MDGA2: variants seen among roughly 807,000 people sequenced by gnomAD.
MDGA2 encodes MAM domain-containing glycosylphosphatidylinositol anchor protein 2.
A neutral mutation model predicts 117.8 loss-of-function variants in MDGA2; 40 were observed. The observed-to-expected ratio is 0.34, with a 90% confidence interval of 0.26 to 0.44. The LOEUF (loss-of-function observed/expected upper bound fraction) is 0.44. MDGA2 is among the 20% of genes least tolerant of loss of function. The probability of loss-of-function intolerance (pLI) is 1.00; values close to 1 mark genes in which losing one functional copy is unlikely to be tolerated. For synonymous variants in MDGA2, 452 were observed against 439.0 expected (o/e 1.03, Z -0.37); for missense variants, 1,123 against 1,250.6 (o/e 0.90, Z 1.54).
intron 1 of MDGA2, among the ~76,000 whole-genome samples, chr14:47,585,471 G>C (rs994219601): frequency 1.3e-5 from 2 of 151,840 alleles, no homozygotes; most frequent in Admixed American, 6.6e-5. Flanking sequence ...TACACATTTC[G>C]GAAAGTGCTA....
chr14:47,459,279 A>G (rs983691346), intron 1 of MDGA2, among the ~76,000 whole-genome samples: 1 of 152,126 alleles, frequency 6.6e-6, no homozygotes, highest in Non-Finnish European at 1.5e-5. Flanking sequence ...GGTTTGGGGT[A>G]TAAGACAGTG....
intron 1 of MDGA2, among the ~76,000 whole-genome samples, chr14:47,661,318 T>C (rs768779146): frequency 1.2e-4 from 18 of 152,200 alleles, no homozygotes; most frequent in Non-Finnish European, 2.6e-4. Flanking sequence ...CATACAAAGA[T>C]TAGTGCATGG....
At chr14:47,502,224 A>G (rs554002764) in intron 1 of MDGA2, among the ~76,000 whole-genome samples, 6 of 152,282 alleles carry the variant, frequency 3.9e-5, no homozygotes, top group African/African-American at 1.4e-4. Flanking sequence ...ATATATATTA[A>G]AAAGTATCCC....
chr14:47,461,165 C>T (rs1893474938), intron 1 of MDGA2, among the ~76,000 whole-genome samples: 1 of 152,058 alleles, frequency 6.6e-6, no homozygotes, highest in Non-Finnish European at 1.5e-5. Context: ...GGAGGCTAGA[C>T]ATGGAGTCAA....
intron 1 of MDGA2, among the ~76,000 whole-genome samples, chr14:47,623,082 A>G (rs545738430): frequency 6.6e-6 from 1 of 152,304 alleles, no homozygotes; most frequent in African/African-American, 2.4e-5. Flanking sequence ...CTCTGCCTTC[A>G]TGAATGGATT....
At chr14:47,485,827 A>G (rs1423845354) in intron 1 of MDGA2, among the ~76,000 whole-genome samples, 1 of 152,146 alleles carries the variant, frequency 6.6e-6, no homozygotes, top group African/African-American at 2.4e-5. Flanking sequence ...AGGACACAGA[A>G]GTCAAAAATT....
intron 1 of MDGA2, among the ~76,000 whole-genome samples, chr14:47,491,648 T>C (rs948683063): frequency 1.3e-5 from 2 of 152,160 alleles, no homozygotes; most frequent in African/African-American, 2.4e-5. Flanking sequence ...GCTGAACTGG[T>C]ATCCCAGATA....
intron 5 of MDGA2, among the ~76,000 whole-genome samples, chr14:47,115,357 G>A (rs1048742583): frequency 6.6e-6 from 1 of 151,958 alleles, no homozygotes; most frequent in African/African-American, 2.4e-5. Flanking sequence ...GGATATGTGT[G>A]CATTGAAGAT....
At chr14:47,182,365 G>T (rs183785875) in intron 3 of MDGA2, among the ~76,000 whole-genome samples, 13 of 152,114 alleles carry the variant, frequency 8.5e-5, no homozygotes. Context: ...TTGGAAATAG[G>T]GTCTTTAAGG....
chr14:47,197,746 T>TA (rs1212068542), intron 3 of MDGA2, among the ~76,000 whole-genome samples: 1 of 152,046 alleles, frequency 6.6e-6, no homozygotes, highest in Non-Finnish European at 1.5e-5. Context: ...CCGTCTCTAC[T>TA]AAAAATACAA....
intron 1 of MDGA2, among the ~76,000 whole-genome samples, chr14:47,375,408 A>C (rs1891455265): frequency 6.6e-6 from 1 of 152,002 alleles, no homozygotes; most frequent in Non-Finnish European, 1.5e-5. Flanking sequence ...AAATAAACTC[A>C]AAATGCTTTA....
chr14:46,912,745 C>A (rs989538383), intron 10 of MDGA2, among the ~76,000 whole-genome samples: 3 of 152,030 alleles, frequency 2.0e-5, no homozygotes, highest in Admixed American at 1.3e-4. Context: ...TGGAGTTTTC[C>A]AAGACAAGGT....
At chr14:47,183,739 T>TTATTACTGGTATTAATACTGG (rs1231373784) in intron 3 of MDGA2, among the ~76,000 whole-genome samples, 37 of 152,204 alleles carry the variant, frequency 2.4e-4, no homozygotes, top group African/African-American at 7.9e-4. Context: ...GAGATTGTTA[T>TTATTACTGGTATTAATACTGG]TATTGTTAGA....
Position 46,882,098 on chromosome 14 carries a change from G to A in MDGA2, c.2362C>T (p.Pro788Ser). The change falls in exon 11 of 17, where the codon CCT becomes TCT. Residue 788 changes from proline (P) to serine (S), a missense_variant. This residue lies in a region of MDGA2 where 890 missense variants were observed against 1,050.3 expected (regional missense o/e 0.85). Coordinates refer to ENST00000399232, the MANE Select transcript of MDGA2 (RefSeq NM_001113498.3). ...TCTCCTTCACCAAATTTGGTGAGAG[G>A]AGTCAGTCGGACTTCATAAGCTTCT... ...KPEAYEVRLTPLTKFGEGDST... is the reference protein window; with the variant it reads ...KPEAYEVRLTSLTKFGEGDST... 1.2e-6 allele frequency: 2 copies of A among 1,611,428 alleles called. No homozygotes were observed. Among genetic ancestry groups the A allele is most frequent in the Non-Finnish European group, 1.7e-6 (2 of 1,178,402 alleles).
intron 1 of MDGA2, among the ~76,000 whole-genome samples, chr14:47,668,688 G>T (rs925518573): frequency 6.6e-5 from 10 of 152,164 alleles, no homozygotes; most frequent in Non-Finnish European, 1.3e-4. Context: ...CAATTACAAA[G>T]AAGCTAAAAA....
chr14:47,037,739 C>A (rs1888908324), intron 7 of MDGA2, among the ~76,000 whole-genome samples: 1 of 152,078 alleles, frequency 6.6e-6, no homozygotes. Flanking sequence ...CATGTCAAAA[C>A]TGCTTATAAG....
At chr14:47,365,241 A>G (rs1891207582) in intron 1 of MDGA2, among the ~76,000 whole-genome samples, 1 of 152,262 alleles carries the variant, frequency 6.6e-6, no homozygotes, top group Non-Finnish European at 1.5e-5. Context: ...GAAGGAAGAC[A>G]TGCCTTTCTG....
chr14:46,852,300 T>C (rs750791354), intron 15 of MDGA2, among the ~76,000 whole-genome samples: 14 of 150,036 alleles, frequency 9.3e-5, no homozygotes, highest in Non-Finnish European at 3.0e-5. Context: ...TATCAGATAA[T>C]GAAGAAGTGT....
chr14:47,107,697 A>AAAC (rs773207521), intron 5 of MDGA2, among the ~76,000 whole-genome samples: 1 of 151,340 alleles, frequency 6.6e-6, no homozygotes, highest in Admixed American at 6.6e-5. Flanking sequence ...ACCTTCTACA[A>AAAC]AACAACTCCT....
Sources: allele counts gnomAD v4.1 joint callset (sites outside exome capture counted in the v4.1 genomes callset), GRCh38; gene constraint gnomAD v4.1.1; regional missense constraint gnomAD v4.1.1; transcripts MANE v1.5; gene names NCBI Gene and HGNC (gene_info 2026-07-23, HGNC 2026-07-21).